Variants in DSCAM observed in about 807,000 individuals in gnomAD.
The protein encoded by DSCAM is DS cell adhesion molecule, also known as cell adhesion molecule DSCAM.
A neutral mutation model predicts 217.7 loss-of-function variants in DSCAM; 47 were observed. The ratio of observed to expected loss-of-function variants is 0.22; its 90% CI spans 0.17 to 0.28. DSCAM has a LOEUF of 0.28. DSCAM is among the 10% of genes least tolerant of loss of function. DSCAM has a pLI of 1.00. For missense variants in DSCAM, 2,080 were observed against 2,618.3 expected, an observed-to-expected ratio of 0.79 and a Z score of 4.49; for synonymous variants, 1,056 against 1,015.3, an observed-to-expected ratio of 1.04 and a Z score of -0.76.
intron 19 of DSCAM, among the ~76,000 whole-genome samples, chr21:40,133,075 G>A (rs2090170132): frequency 6.6e-6 from 1 of 152,158 alleles, no homozygotes; most frequent in Non-Finnish European, 1.5e-5. Context: ...GGTTCTATGT[G>A]GGCATCAATT....
At chr21:40,641,810 G>A in intron 3 of DSCAM, among the ~76,000 whole-genome samples, 1 of 152,106 alleles carries the variant, frequency 6.6e-6, no homozygotes, top group East Asian at 1.9e-4. Flanking sequence ...GCACTACGGG[G>A]AGGCCGAGGC....
chr21:40,711,968 T>C (rs924700500), intron 1 of DSCAM, among the ~76,000 whole-genome samples: 2 of 152,210 alleles, frequency 1.3e-5, no homozygotes, highest in African/African-American at 4.8e-5. Context: ...AGTTACCCTC[T>C]ACAACCATGT....
intron 3 of DSCAM, among the ~76,000 whole-genome samples, chr21:40,589,585 A>G (rs896819324): frequency 1.3e-5 from 2 of 152,216 alleles, no homozygotes; most frequent in Non-Finnish European, 1.5e-5. Flanking sequence ...CCAAAAAGAA[A>G]AGAAAAAAAC....
rs2090611872 is a variant in DSCAM at position 40,167,624 on chromosome 21, G to A, written c.2948-336C>T. On this transcript the variant is annotated intron_variant, in intron 15 of 32. Transcript: ENST00000400454. ...ATTTCCCTTATGAAATGCTGTCTAT[G>A]GTGTGTATTGAAGGTCCTTCTCTCC... is the stretch of plus-strand genomic sequence containing the variant. 2.0e-5 allele frequency among the ~76,000 whole-genome samples: 3 copies of A among 152,106 alleles called. No homozygotes were observed. The South Asian group carries it at 6.2e-4, about 32-fold the overall frequency.
At position 40,035,986 on chromosome 21, in the gene DSCAM, T is replaced by C. The variant is rs1486323817; in HGVS notation, c.5686+6385A>G. ...AACCAACGAGAACAAAGACACAACA[T>C]ACCAGAATCTCTGGGACGCATTCAA... On this transcript the variant is annotated intron_variant, in intron 32 of 32. Transcript: ENST00000400454. 2.1e-5 allele frequency among the ~76,000 whole-genome samples: 3 copies of C among 144,896 alleles called. 1 individual carries two copies. The highest frequency in any genetic ancestry group is 2.2e-4 in the South Asian group (1 of 4,646).
At chr21:40,696,994 T>C (rs2090602821) in intron 2 of DSCAM, among the ~76,000 whole-genome samples, 1 of 152,184 alleles carries the variant, frequency 6.6e-6, no homozygotes, top group South Asian at 2.1e-4. Context: ...CCAGCAAATG[T>C]TAGAACATAT....
chr21:40,387,742 T>C (rs1363959635), intron 3 of DSCAM, among the ~76,000 whole-genome samples: 1 of 152,118 alleles, frequency 6.6e-6, no homozygotes, highest in Non-Finnish European at 1.5e-5. Flanking sequence ...CTCGACAATG[T>C]TTACACAATA....
intron 3 of DSCAM, among the ~76,000 whole-genome samples, chr21:40,502,596 C>T (rs2076178463): frequency 6.6e-6 from 1 of 152,198 alleles, no homozygotes; most frequent in Non-Finnish European, 1.5e-5. Flanking sequence ...CTTCCATCTT[C>T]AAAGCCAGCA....
At chr21:40,517,355 TAC>T (rs958227843) in intron 3 of DSCAM, among the ~76,000 whole-genome samples, 2 of 149,962 alleles carry the variant, frequency 1.3e-5, no homozygotes, top group Non-Finnish European at 3.0e-5. Flanking sequence ...CATATATATA[TAC>T]ACACACACAT....
At chr21:40,645,600 T>C (rs769439627) in intron 3 of DSCAM, among the ~76,000 whole-genome samples, 5 of 152,174 alleles carry the variant, frequency 3.3e-5, no homozygotes, top group Non-Finnish European at 5.9e-5. Context: ...CTAAATCTCA[T>C]AGCAATCAGG....
intron 21 of DSCAM, among the ~76,000 whole-genome samples, chr21:40,089,144 A>G (rs2089570988): frequency 6.6e-6 from 1 of 152,206 alleles, no homozygotes; most frequent in Non-Finnish European, 1.5e-5. Context: ...TTCAAGCCCA[A>G]CAACCCCCAT....
intron 3 of DSCAM, among the ~76,000 whole-genome samples, chr21:40,572,138 A>G (rs2076813254): frequency 6.6e-6 from 1 of 151,824 alleles, no homozygotes; most frequent in South Asian, 2.1e-4. Context: ...ATATATATGC[A>G]TTTCAGCACA....
intron 3 of DSCAM, among the ~76,000 whole-genome samples, chr21:40,551,244 T>C (rs1309364111): frequency 6.6e-6 from 1 of 152,210 alleles, no homozygotes; most frequent in African/African-American, 2.4e-5. Flanking sequence ...ATACATTGGT[T>C]CAGTCCAGAA....
At chr21:40,270,311 A>C (rs947870031) in intron 11 of DSCAM, among the ~76,000 whole-genome samples, 4 of 152,244 alleles carry the variant, frequency 2.6e-5, no homozygotes, top group African/African-American at 9.6e-5. Context: ...GTCCCTCTGA[A>C]GCTTCTGCGG....
At chr21:40,330,401 T>G (rs922734399) in intron 8 of DSCAM, among the ~76,000 whole-genome samples, 4 of 103,220 alleles carry the variant, frequency 3.9e-5, no homozygotes, top group African/African-American at 1.7e-4. Flanking sequence ...AAATATATAT[T>G]ATACATATAT....
At chr21:40,446,146 T>C (rs1329468249) in intron 3 of DSCAM, among the ~76,000 whole-genome samples, 1 of 152,218 alleles carries the variant, frequency 6.6e-6, no homozygotes, top group East Asian at 1.9e-4. Flanking sequence ...CTAAAAGCTA[T>C]TTAAGTTTAA....
intron 3 of DSCAM, among the ~76,000 whole-genome samples, chr21:40,425,038 C>T (rs1397295389): frequency 1.3e-5 from 2 of 152,034 alleles, no homozygotes; most frequent in African/African-American, 4.8e-5. Flanking sequence ...GTGGAGGTTG[C>T]AGAGAGCCAA....
At chr21:40,454,690 C>T (rs1031016659) in intron 3 of DSCAM, among the ~76,000 whole-genome samples, 6 of 152,162 alleles carry the variant, frequency 3.9e-5, no homozygotes, top group Admixed American at 1.3e-4. Context: ...ATGTAGAAGT[C>T]GCCACAAGAA....
At chr21:40,456,626 T>A (rs2075765707) in intron 3 of DSCAM, among the ~76,000 whole-genome samples, 1 of 152,120 alleles carries the variant, frequency 6.6e-6, no homozygotes, top group African/African-American at 2.4e-5. Flanking sequence ...TCGATTGCTA[T>A]CTGAAAATTA....
Sources: gnomAD v4.1 joint callset for allele counts (sites outside exome capture counted in the v4.1 genomes callset) on GRCh38, gnomAD v4.1.1 for gene constraint, MANE v1.5 for transcripts, NCBI Gene and HGNC (gene_info 2026-07-23, HGNC 2026-07-21) for gene names.